The following ROBO2 variants were observed in gnomAD, a reference collection of about 807,000 sequenced individuals.
The protein encoded by ROBO2 is roundabout guidance receptor 2, also known as roundabout homolog 2.
In ROBO2, 53 loss-of-function variants were observed where a neutral mutation model predicts 160.8. The ratio of observed to expected loss-of-function variants is 0.33; its 90% CI spans 0.26 to 0.41. ROBO2 has a LOEUF of 0.41. Ranked by LOEUF, ROBO2 falls within the 10% of genes least tolerant of loss-of-function variation. The pLI, the probability that ROBO2 is intolerant of heterozygous loss-of-function variation, is 1.00. For synonymous variants in ROBO2, 664 were observed against 611.7 expected (o/e 1.09, Z -1.26); for missense variants, 1,577 against 1,722.4 (o/e 0.92, Z 1.49).
intron 2 of ROBO2, among the ~76,000 whole-genome samples, chr3:76,149,478 C>A (rs2072058339): frequency 6.6e-6 from 1 of 152,116 alleles, no homozygotes; most frequent in African/African-American, 2.4e-5. Context: ...AAGCACTCAT[C>A]TGTCTAAAAC....
intron 5 of ROBO2, among the ~76,000 whole-genome samples, chr3:77,502,913 A>C (rs962234728): frequency 3.9e-5 from 6 of 152,178 alleles, no homozygotes; most frequent in African/African-American, 9.7e-5. Flanking sequence ...GACTATGTAT[A>C]CATCTAGAAT....
At chr3:76,254,493 A>G (rs1043402218) in intron 2 of ROBO2, among the ~76,000 whole-genome samples, 3 of 152,122 alleles carry the variant, frequency 2.0e-5, no homozygotes, top group African/African-American at 7.2e-5. Context: ...AACTGCTTAC[A>G]TGGTAGTTCT....
At chr3:77,080,538 G>A (rs1178419867) in intron 1 of ROBO2, among the ~76,000 whole-genome samples, 7 of 152,232 alleles carry the variant, frequency 4.6e-5, no homozygotes, top group South Asian at 4.1e-4. Flanking sequence ...TCTGAATATC[G>A]AGTACATCCC....
Position 76,825,603 on chromosome 3 carries a change from C to CAAAAAAAAAAAAAAAAAAAA in ROBO2, c.110-272401_110-272382dup, listed in dbSNP as rs201063990. Among the ~76,000 whole-genome samples, 4 of 72,506 alleles carry CAAAAAAAAAAAAAAAAAAAA rather than the reference C, an allele frequency of 5.5e-5. 1 individual carries two copies. The highest frequency in any genetic ancestry group is 9.9e-4 in the East Asian group (2 of 2,026). The allele number at this position is 72,506 out of a possible 152,430, so 47.6% of individuals were successfully genotyped here. ...GAGTCTACCCTTTCATCATCTTAGC[C>CAAAAAAAAAAAAAAAAAAAA]AAAAAAAAAAAAAAAAAAAAAAAAA... On this transcript the variant is annotated intron_variant, in intron 2 of 26. Coordinates refer to the ROBO2 transcript ENST00000487694.
intron 2 of ROBO2, among the ~76,000 whole-genome samples, chr3:76,819,571 G>C (rs373515986): frequency 5.9e-5 from 9 of 152,174 alleles, no homozygotes; most frequent in African/African-American, 2.2e-4. Flanking sequence ...GCATGGTGGT[G>C]ATCTCTGGGT....
At chr3:76,487,399 G>T (rs1577560526) in intron 2 of ROBO2, among the ~76,000 whole-genome samples, 1 of 152,022 alleles carries the variant, frequency 6.6e-6, no homozygotes, top group East Asian at 1.9e-4. Flanking sequence ...GTAAAAAAAT[G>T]GAACCAATAT....
intron 2 of ROBO2, among the ~76,000 whole-genome samples, chr3:76,323,254 C>G (rs1006792298): frequency 7.9e-5 from 12 of 151,492 alleles, no homozygotes; most frequent in African/African-American, 2.9e-4. Context: ...CAAGTATAAT[C>G]TTATTTAATC....
At chr3:76,437,197 C>T (rs571430325) in intron 2 of ROBO2, among the ~76,000 whole-genome samples, 7 of 151,984 alleles carry the variant, frequency 4.6e-5, no homozygotes, top group Admixed American at 1.3e-4. Context: ...ATACATAATT[C>T]GGTATAGAAT....
At chr3:76,991,117 C>T (rs968938090) in intron 2 of ROBO2, among the ~76,000 whole-genome samples, 2 of 152,076 alleles carry the variant, frequency 1.3e-5, no homozygotes, top group African/African-American at 4.8e-5. Context: ...TTTTAGTAAA[C>T]TTTCACGACG....
chr3:77,017,949 G>T (rs758378923), intron 2 of ROBO2, among the ~76,000 whole-genome samples: 1 of 152,022 alleles, frequency 6.6e-6, no homozygotes, highest in Non-Finnish European at 1.5e-5. Context: ...CATGCTTGGC[G>T]TTCCAATAAT....
chr3:76,007,148 T>C (rs1212901319), intron 2 of ROBO2, among the ~76,000 whole-genome samples: 1 of 152,156 alleles, frequency 6.6e-6, no homozygotes, highest in Non-Finnish European at 1.5e-5. Flanking sequence ...CTTTTGTGCA[T>C]TATTATTAAA....
exon 25 of ROBO2, chr3:77,644,810 G>T: frequency 1.2e-6 from 2 of 1,614,086 alleles, no homozygotes; most frequent in Non-Finnish European, 8.5e-7. Flanking sequence ...GGAAAACCGA[G>T]GTGTTGAGAG....
At chr3:77,477,695 C>T in intron 3 of ROBO2, 124 bp downstream of exon 3, 1 of 1,033,846 alleles carries the variant, frequency 9.7e-7, no homozygotes, top group Non-Finnish European at 1.5e-6. Context: ...ACAATTTATA[C>T]TGCCTTGAAA....
At chr3:77,427,561 C>G (rs2078331615) in intron 2 of ROBO2, among the ~76,000 whole-genome samples, 1 of 152,126 alleles carries the variant, frequency 6.6e-6, no homozygotes, top group Admixed American at 6.6e-5. Context: ...AAATTTCAAT[C>G]CCAAAGGAAA....
intron 2 of ROBO2, among the ~76,000 whole-genome samples, chr3:77,145,768 C>T (rs2077071606): frequency 6.6e-6 from 1 of 152,080 alleles, no homozygotes; most frequent in African/African-American, 2.4e-5. Context: ...ACAGCAAATG[C>T]CATGGTAAAA....
At chr3:76,114,327 G>T (rs1422507805) in intron 2 of ROBO2, among the ~76,000 whole-genome samples, 1 of 152,014 alleles carries the variant, frequency 6.6e-6, no homozygotes, top group Admixed American at 6.6e-5. Context: ...AATTTCTTGG[G>T]TATCACTAAT....
At position 77,092,805 on chromosome 3, in the gene ROBO2, T is replaced by G. The variant is rs1306124490; in HGVS notation, c.62-5209T>G. On this transcript the variant is annotated intron_variant, in intron 1 of 25. Coordinates refer to ENST00000461745, the Ensembl canonical transcript of ROBO2. ...GTATATCTGTTCTAATAGGAATCTTTGAATAATTTCTCATTATATGGGCAA... is the reference window on the plus strand; with the variant it reads ...GTATATCTGTTCTAATAGGAATCTTGGAATAATTTCTCATTATATGGGCAA... Among the ~76,000 whole-genome samples, 9 of 150,754 alleles carry G rather than the reference T, an allele frequency of 6.0e-5. No individual in the cohort carries two copies. The South Asian group carries it at 8.3e-4, about 14-fold the overall frequency.
intron 1 of ROBO2, among the ~76,000 whole-genome samples, chr3:75,925,461 C>G (rs923036953): frequency 3.3e-5 from 5 of 152,012 alleles, no homozygotes; most frequent in Non-Finnish European, 5.9e-5. Context: ...TCTAAGTGTC[C>G]TCTGATTATA....
chr3:77,251,675 A>T (rs995547263), intron 2 of ROBO2, among the ~76,000 whole-genome samples: 1 of 152,090 alleles, frequency 6.6e-6, no homozygotes, highest in African/African-American at 2.4e-5. Flanking sequence ...GGAGGGACCT[A>T]GGGGGAGATG....
Sources: gnomAD v4.1 joint callset for allele counts (sites outside exome capture counted in the v4.1 genomes callset) on GRCh38, gnomAD v4.1.1 for gene constraint, MANE v1.5 for transcripts, NCBI Gene and HGNC (gene_info 2026-07-23, HGNC 2026-07-21) for gene names.